Variants in PRKCA observed in about 807,000 individuals in gnomAD.
PRKCA encodes protein kinase C alpha.
Under a neutral mutation model 87.0 loss-of-function variants are expected in PRKCA, and 27 were observed. The ratio of observed to expected loss-of-function variants is 0.31; its 90% CI spans 0.23 to 0.43. The LOEUF (loss-of-function observed/expected upper bound fraction) is 0.43. Among genes scored for constraint, PRKCA ranks in the 20% least tolerant of loss-of-function variants. The pLI, the probability that PRKCA is intolerant of heterozygous loss-of-function variation, is 1.00. For synonymous variants in PRKCA, 329 were observed against 311.1 expected (o/e 1.06, Z -0.61); for missense variants, 518 against 852.3 (o/e 0.61, Z 4.88).
intron 3 of PRKCA, among the ~76,000 whole-genome samples, chr17:66,521,039 C>T (rs1262663705): frequency 6.6e-6 from 1 of 152,096 alleles, no homozygotes; most frequent in African/African-American, 2.4e-5. Context: ...GACAGTGTGG[C>T]TTGTGGCAGC....
rs577786931 is a variant in PRKCA at position 66,712,116 on chromosome 17, A to G, written c.919-20572A>G. Among the ~76,000 whole-genome samples the G allele has an allele frequency of 6.6e-5, 10 of 152,224 alleles. No individual in the cohort carries two copies. The East Asian group carries it at 1.5e-3, about 24-fold the overall frequency. ...CCAGAGGCTGGCCACACCTGAATAC[A>G]CTGAGCCTCTGTGCAACTTCTTCCT... On this transcript the variant is annotated intron_variant, in intron 8 of 16. Transcript: ENST00000413366.
At chr17:66,671,209 C>CAAAAAAAA (rs778507190) in intron 5 of PRKCA, among the ~76,000 whole-genome samples, 7 of 48,428 alleles carry the variant, frequency 1.4e-4, no homozygotes, top group African/African-American at 1.8e-4. Flanking sequence ...AGACTCATCT[C>CAAAAAAAA]AAAAAAAAAA....
rs564004598 is a variant in PRKCA, at chr17:66,395,624, G to A, written c.205+89497G>A. Reference sequence around the variant, plus strand: ...AAAAGTCCTGTTAACTAAGCACAAGGAACAGTTCCTACCACTGATCTATGT... The same window carrying A: ...AAAAGTCCTGTTAACTAAGCACAAGAAACAGTTCCTACCACTGATCTATGT... On this transcript the variant is annotated intron_variant, in intron 2 of 16. Transcript: ENST00000413366. Among the ~76,000 whole-genome samples, 4 of 152,292 alleles carry A rather than the reference G, an allele frequency of 2.6e-5. No homozygotes were observed. The South Asian group carries it at 8.3e-4, about 32-fold the overall frequency.
At chr17:66,772,184 A>G (rs914405650) in intron 13 of PRKCA, among the ~76,000 whole-genome samples, 2 of 152,188 alleles carry the variant, frequency 1.3e-5, no homozygotes. Flanking sequence ...TAGACTGGAG[A>G]CTCATTTCTT....
intron 5 of PRKCA, among the ~76,000 whole-genome samples, chr17:66,659,785 G>T (rs553964029): frequency 2.0e-5 from 3 of 152,224 alleles, no homozygotes; most frequent in African/African-American, 7.2e-5. Flanking sequence ...ACTGTGCTGG[G>T]GTCCGTGCAC....
At chr17:66,525,078 C>T (rs1967299544) in intron 3 of PRKCA, among the ~76,000 whole-genome samples, 1 of 152,306 alleles carries the variant, frequency 6.6e-6, no homozygotes, top group Admixed American at 6.5e-5. Flanking sequence ...CAGTTGACAT[C>T]ATGGGAGTTC....
intron 3 of PRKCA, among the ~76,000 whole-genome samples, chr17:66,587,008 A>G (rs1969616734): frequency 6.6e-6 from 1 of 152,132 alleles, no homozygotes. Context: ...GCCATTATGA[A>G]TGGTCTCTGT....
intron 5 of PRKCA, among the ~76,000 whole-genome samples, chr17:66,667,018 C>T (rs1403448906): frequency 1.3e-5 from 2 of 152,170 alleles, no homozygotes; most frequent in Admixed American, 1.3e-4. Flanking sequence ...TTAGAGATTT[C>T]CCTGTCCAGC....
chr17:66,799,790 G>C (rs2144430509), intron 16 of PRKCA, among the ~76,000 whole-genome samples: 1 of 152,082 alleles, frequency 6.6e-6, no homozygotes, highest in East Asian at 1.9e-4. Context: ...TATTTCCAGG[G>C]CTACTTTTGC....
intron 8 of PRKCA, among the ~76,000 whole-genome samples, chr17:66,715,675 A>G (rs910084307): frequency 6.6e-6 from 1 of 152,066 alleles, no homozygotes; most frequent in Non-Finnish European, 1.5e-5. Flanking sequence ...TTCCGTTGGC[A>G]TTTTGCAAAG....
chr17:66,787,033 C>T (rs369188938), intron 15 of PRKCA, 59 bp downstream of exon 15: 11 of 1,216,880 alleles, frequency 9.0e-6, no homozygotes, highest in Non-Finnish European at 1.2e-5. Flanking sequence ...AGGAGAAATA[C>T]TTTCCCCACA....
intron 3 of PRKCA, among the ~76,000 whole-genome samples, chr17:66,538,357 G>C (rs1004909364): frequency 6.6e-6 from 1 of 152,214 alleles, no homozygotes; most frequent in African/African-American, 2.4e-5. Context: ...CTCTGCTCTC[G>C]GGAGACATCC....
chr17:66,711,103 ACCT>A (rs149472635), intron 8 of PRKCA, among the ~76,000 whole-genome samples: 8,033 of 152,038 alleles, frequency 0.053, 702 homozygotes, highest in African/African-American at 0.18. Context: ...AAATATCAAA[ACCT>A]CCTATCAGTG....
chr17:66,386,052 G>A (rs1910044830), intron 2 of PRKCA, among the ~76,000 whole-genome samples: 4 of 152,292 alleles, frequency 2.6e-5, no homozygotes, highest in Middle Eastern at 6.8e-3. Context: ...GAGCCACCGC[G>A]CCCAGCCAGG....
chr17:66,441,111 C>T (rs1475511199), intron 2 of PRKCA, among the ~76,000 whole-genome samples: 5 of 146,000 alleles, frequency 3.4e-5, no homozygotes, highest in Non-Finnish European at 5.9e-5. Context: ...GCATTGAGCC[C>T]AGATCGCGGC....
At chr17:66,452,967 G>A (rs930669548) in intron 2 of PRKCA, among the ~76,000 whole-genome samples, 1 of 152,240 alleles carries the variant, frequency 6.6e-6, no homozygotes, top group African/African-American at 2.4e-5. Flanking sequence ...CCCCCATTGA[G>A]CTTGTAGCAT....
At chr17:66,734,975 A>C (rs999986996) in intron 9 of PRKCA, among the ~76,000 whole-genome samples, 2 of 152,326 alleles carry the variant, frequency 1.3e-5, no homozygotes, top group East Asian at 1.9e-4. Flanking sequence ...CACAACTAAA[A>C]ATTAAATGTT....
At chr17:66,756,682 G>A (rs1156283204) in intron 13 of PRKCA, among the ~76,000 whole-genome samples, 2 of 151,966 alleles carry the variant, frequency 1.3e-5, no homozygotes, top group African/African-American at 4.8e-5. Flanking sequence ...TTGTTTTGGA[G>A]ATGGAGTCTT....
intron 3 of PRKCA, among the ~76,000 whole-genome samples, chr17:66,562,921 G>T (rs1475499964): frequency 6.6e-6 from 1 of 151,970 alleles, no homozygotes; most frequent in Non-Finnish European, 1.5e-5. Context: ...TATGCAGAAT[G>T]GTTTTATTTT....
Sources: allele counts gnomAD v4.1 joint callset (sites outside exome capture counted in the v4.1 genomes callset), GRCh38; gene constraint gnomAD v4.1.1; transcripts MANE v1.5; gene names NCBI Gene and HGNC (gene_info 2026-07-23, HGNC 2026-07-21).